RB1CC1: variants seen among roughly 807,000 people sequenced by gnomAD.
The protein encoded by RB1CC1 is RB1 inducible coiled-coil 1.
In RB1CC1, 46 loss-of-function variants were observed where a neutral mutation model predicts 177.5. The ratio of observed to expected loss-of-function variants is 0.26; its 90% CI spans 0.20 to 0.33. The LOEUF is 0.33. RB1CC1 is among the 10% of genes least tolerant of loss of function. The pLI is 1.00. For synonymous variants in RB1CC1, 666 were observed against 613.6 expected (o/e 1.09, Z -1.26); for missense variants, 1,703 against 1,816.3 (o/e 0.94, Z 1.13).
intron 22 of RB1CC1, among the ~76,000 whole-genome samples, chr8:52,627,611 T>C (rs1279209520): frequency 6.6e-6 from 1 of 152,188 alleles, no homozygotes; most frequent in East Asian, 1.9e-4. Flanking sequence ...AACAGTATAA[T>C]GATAAACAAG....
At chr8:52,705,014 A>G (rs1222513228) in intron 1 of RB1CC1, among the ~76,000 whole-genome samples, 1 of 152,180 alleles carries the variant, frequency 6.6e-6, no homozygotes, top group African/African-American at 2.4e-5. Context: ...ATTTTCTTAA[A>G]TTATTTGACC....
chr8:52,703,779 T>A (rs1856311085), intron 1 of RB1CC1, among the ~76,000 whole-genome samples: 1 of 152,326 alleles, frequency 6.6e-6, no homozygotes. Flanking sequence ...AAAAAAAATT[T>A]TGGTCATGAC....
At chr8:52,698,252 A>AT (rs1218301691) in intron 1 of RB1CC1, among the ~76,000 whole-genome samples, 2 of 151,650 alleles carry the variant, frequency 1.3e-5, no homozygotes, top group South Asian at 2.1e-4. Flanking sequence ...AATTTTTTGT[A>AT]TTTTTTTGTA....
At position 52,661,116 on chromosome 8, in the gene RB1CC1, C is replaced by A; in HGVS notation, c.1524G>T (p.Met508Ile). ...LAVVEVVRRK[M>I]FIKHYREWAG... ...ATACCTCCCTGTAGTGTTTTATGAA[C>A]ATTTTTCTTCTTACAACCTCAACAA... The change falls in exon 10 of 24, where the codon ATG (methionine) becomes ATT (isoleucine). Residue 508 changes from methionine (M) to isoleucine (I), a missense_variant. Met to Ile is a conservative substitution (Grantham distance 10). Transcript: ENST00000025008. 1.2e-6 allele frequency: 2 copies of A among 1,613,206 alleles called. No homozygotes were observed. Among genetic ancestry groups the A allele is most frequent in the Non-Finnish European group, 1.7e-6 (2 of 1,179,678 alleles).
intron 6 of RB1CC1, among the ~76,000 whole-genome samples, chr8:52,676,080 T>A (rs1853097996): frequency 6.6e-6 from 1 of 152,120 alleles, no homozygotes; most frequent in South Asian, 2.1e-4. Flanking sequence ...GGACAAGACA[T>A]AAGCAAAGAT....
chr8:52,692,599 A>C (rs1400177987), intron 1 of RB1CC1, among the ~76,000 whole-genome samples: 2 of 152,164 alleles, frequency 1.3e-5, no homozygotes, highest in African/African-American at 4.8e-5. Context: ...AAGTTGTAAA[A>C]ACTTAAAATC....
intron 8 of RB1CC1, among the ~76,000 whole-genome samples, chr8:52,667,040 T>C (rs1266252367): frequency 1.3e-5 from 2 of 152,066 alleles, no homozygotes; most frequent in African/African-American, 4.8e-5. Context: ...CAAAGTAGGA[T>C]AAATACAAAG....
At chr8:52,683,849 T>C in intron 4 of RB1CC1, 38 bp downstream of exon 4, 1 of 1,603,968 alleles carries the variant, frequency 6.2e-7, no homozygotes, top group Non-Finnish European at 8.5e-7. Context: ...GATGTAAAGA[T>C]GTTGCATTCT....
rs1851774088 is a variant in RB1CC1, at chr8:52,663,142, T to C, written c.1174-1423A>G. The stretch of plus-strand genomic sequence containing the variant: ...AGTACTAATTCATTACTAATATTTT[T>C]ACACGCAAATAAGGTTTGACAGCTA... On this transcript the variant is annotated intron_variant, in intron 8 of 23. Transcript: ENST00000025008. Among the ~76,000 whole-genome samples the C allele has an allele frequency of 1.3e-5, 2 of 152,158 alleles. 1 individual carries two copies. Among genetic ancestry groups the C allele is most frequent in the South Asian group, 4.1e-4 (2 of 4,836 alleles).
chr8:52,652,459 CAA>C (rs35615959), intron 15 of RB1CC1, among the ~76,000 whole-genome samples: 294 of 92,626 alleles, frequency 3.2e-3, no homozygotes, highest in Middle Eastern at 5.9e-3. Flanking sequence ...GACTCTGTCT[CAA>C]AAAAAAAAAA....
chr8:52,633,401 T>C (rs1044938239), intron 20 of RB1CC1, among the ~76,000 whole-genome samples: 2 of 152,122 alleles, frequency 1.3e-5, no homozygotes, highest in African/African-American at 4.8e-5. Flanking sequence ...TTATATTCTA[T>C]TGAGGATAAA....
Position 52,676,365 on chromosome 8 carries a change from A to T in RB1CC1, c.572+4T>A, listed in dbSNP as rs1217400924. On this transcript the variant is annotated splice_donor_region_variant and intron_variant, in intron 6 of 23. Transcript: ENST00000025008. ...AATATTATCCATTTTAATGGCAAAC[A>T]TACTGAGTAAGTTTTAACTTGATGT... The T allele has an allele frequency of 6.3e-7, 1 of 1,591,514 alleles. No homozygotes were observed. The highest frequency in any genetic ancestry group is 1.7e-5 in the Admixed American group (1 of 57,954).
chr8:52,624,995 CTT>C (rs1848282702), intron 22 of RB1CC1, among the ~76,000 whole-genome samples: 4 of 152,178 alleles, frequency 2.6e-5, no homozygotes, highest in Admixed American at 6.5e-5. Context: ...GTGCGTAGCT[CTT>C]GTTACTCATT....
intron 9 of RB1CC1, 117 bp from the exon 10 acceptor site, chr8:52,661,398 A>C (rs1851612421): frequency 6.8e-7 from 1 of 1,466,338 alleles, no homozygotes; most frequent in East Asian, 2.3e-5. Flanking sequence ...TAAGCTCTAC[A>C]AAAATAGTCT....
intron 1 of RB1CC1, among the ~76,000 whole-genome samples, chr8:52,702,214 T>C (rs1856145235): frequency 6.6e-6 from 1 of 152,236 alleles, no homozygotes; most frequent in African/African-American, 2.4e-5. Context: ...GTATGGTTTA[T>C]AAAATTAGTT....
intron 7 of RB1CC1, among the ~76,000 whole-genome samples, chr8:52,671,844 C>T (rs1030074244): frequency 6.6e-6 from 1 of 152,026 alleles, no homozygotes; most frequent in African/African-American, 2.4e-5. Flanking sequence ...CCAATAGCTA[C>T]TCCTCCTGAT....
In RB1CC1 at chr8:52,707,451, T is replaced by TA. The variant is rs59724615; in HGVS notation, c.-167+6623dup. The stretch of plus-strand genomic sequence containing the variant: ...TTCTTTCTTTTTTTTTTTTTTTTTT[T>TA]ACAAACTTTCCAAAGTGACAATGGA... On this transcript the variant is annotated intron_variant, in intron 1 of 23. Transcript: ENST00000025008. 7.1e-4 allele frequency among the ~76,000 whole-genome samples: 106 copies of TA among 149,650 alleles called. 2 individuals are homozygous for TA. The highest frequency in any genetic ancestry group is 3.1e-4 in the Non-Finnish European group (21 of 67,410).
chr8:52,644,225 G>C lies in RB1CC1; in HGVS notation c.3988-1413C>G, dbSNP rs186013636. On this transcript the variant is annotated intron_variant, in intron 16 of 23. Transcript: ENST00000025008. ...TCAGAAATCACCTATACAGAGCTAG[G>C]TACAAATAACCTTAAATAAATACAA... Among the ~76,000 whole-genome samples the C allele has an allele frequency of 1.0e-3, 156 of 152,080 alleles. 1 individual carries two copies. Among genetic ancestry groups the C allele is most frequent in the African/African-American group, 3.7e-3 (152 of 41,504 alleles).
chr8:52,636,190 A>G (rs1272056645), intron 18 of RB1CC1, 121 bp from the exon 19 acceptor site: 7 of 1,107,030 alleles, frequency 6.3e-6, no homozygotes, highest in Non-Finnish European at 8.6e-6. Context: ...ATAAATTTTC[A>G]AAAGTAGCTT....
Sources: gnomAD v4.1 joint callset for allele counts (sites outside exome capture counted in the v4.1 genomes callset) on GRCh38, gnomAD v4.1.1 for gene constraint, MANE v1.5 for transcripts, NCBI Gene and HGNC (gene_info 2026-07-23, HGNC 2026-07-21) for gene names.